The following RAG1 variants were observed in gnomAD, a reference collection of about 807,000 sequenced individuals.
RAG1 encodes recombination activating 1, also known as V(D)J recombination-activating protein 1.
A neutral mutation model predicts 62.7 loss-of-function variants in RAG1; 35 were observed. The ratio of observed to expected loss-of-function variants is 0.56; its 90% CI spans 0.43 to 0.74. The LOEUF (loss-of-function observed/expected upper bound fraction) is 0.74, where lower values mean the gene tolerates loss of function less well. RAG1 is among the 30% of genes least tolerant of loss of function. RAG1 has a pLI of 0.00. For missense variants in RAG1, 1,169 were observed against 1,278.6 expected, an observed-to-expected ratio of 0.91 and a Z score of 1.31; for synonymous variants, 461 against 470.3, an observed-to-expected ratio of 0.98 and a Z score of 0.26.
chr11:36,561,200 T>C (rs1850579684), intron 3 of RAG1, among the ~76,000 whole-genome samples: 2 of 152,202 alleles, frequency 1.3e-5, no homozygotes, highest in South Asian at 4.1e-4. Context: ...AAGGAAAAGA[T>C]GGATTTTCTT....
chr11:36,551,475 A>G (rs894455801), intron 3 of RAG1, among the ~76,000 whole-genome samples: 1 of 151,738 alleles, frequency 6.6e-6, no homozygotes, highest in Non-Finnish European at 1.5e-5. Context: ...GTAGATGGTC[A>G]TATTTTCTCT....
At chr11:36,534,524 G>C (rs1860298654) in intron 2 of RAG1, among the ~76,000 whole-genome samples, 1 of 152,158 alleles carries the variant, frequency 6.6e-6, no homozygotes, top group Non-Finnish European at 1.5e-5. Context: ...TGTACAATTT[G>C]CCATACTGGA....
rs191202539 is a variant in RAG1 at position 36,528,938 on chromosome 11, G to A, written n.429-7021G>A. Among the ~76,000 whole-genome samples, 63 of 152,040 alleles carry A rather than the reference G, an allele frequency of 4.1e-4. No individual in the cohort carries two copies. In the East Asian group the frequency reaches 0.01, roughly 25 times the overall value. ...CAGACACATATACCCTCCCAAGACT[G>A]AACCAGGAGAAGTCGAATCTCTGTA... On this transcript the variant is annotated intron_variant and non_coding_transcript_variant, in intron 2 of 2. Transcript: ENST00000529126.
intron 1 of RAG1, among the ~76,000 whole-genome samples, chr11:36,570,241 T>C (rs930102241): frequency 2.0e-5 from 3 of 152,202 alleles, no homozygotes; most frequent in Non-Finnish European, 2.9e-5. Flanking sequence ...CTAAATTGTC[T>C]AGTAGGTATT....
At position 36,577,750 on chromosome 11, in the gene RAG1, C is replaced by A. The variant is rs1009932415; in HGVS notation, c.*1314C>A. 1 of 167,034 alleles carries A rather than the reference C, an allele frequency of 6.0e-6. No homozygotes were observed. Among genetic ancestry groups the A allele is most frequent in the African/African-American group, 2.4e-5 (1 of 41,442 alleles). The allele number at this position is 167,034 out of a possible 1,614,324, so 10.3% of individuals were successfully genotyped here. A position where few individuals can be genotyped will look rare whatever the true frequency, so the allele number is the denominator to read the frequency against. ...CTTGGCTTGGAAATTTAACACAGTC[C>A]TTTTGTCTCCAAAGCCCTTCTTCTT... On this transcript the variant is annotated 3_prime_UTR_variant, in exon 2 of 2. Coordinates refer to ENST00000299440, the MANE Select transcript of RAG1 (RefSeq NM_000448.3).
chr11:36,551,050 A>T (rs1291450063), intron 3 of RAG1, among the ~76,000 whole-genome samples: 5 of 152,176 alleles, frequency 3.3e-5, no homozygotes. Context: ...CAGATAGGAA[A>T]GTAACTGATA....
intron 1 of RAG1, among the ~76,000 whole-genome samples, chr11:36,516,994 G>A (rs1464329829): frequency 6.6e-6 from 1 of 152,214 alleles, no homozygotes; most frequent in Non-Finnish European, 1.5e-5. Flanking sequence ...AGCCTGGTTT[G>A]TGTATATTGC....
chr11:36,572,099 T>C (rs1850757148), intron 1 of RAG1, among the ~76,000 whole-genome samples: 1 of 152,240 alleles, frequency 6.6e-6, no homozygotes, highest in Non-Finnish European at 1.5e-5. Flanking sequence ...ACTATGTGAC[T>C]ATAAAAATTC....
chr11:36,510,546 T>C (rs1467367317), upstream of RAG1: 1 of 152,324 alleles, frequency 6.6e-6, no homozygotes, highest in Admixed American at 6.5e-5. Context: ...TGGTGAGCAG[T>C]GGCGACAGTA....
chr11:36,560,409 G>C (rs903706161), intron 3 of RAG1, among the ~76,000 whole-genome samples: 1 of 152,160 alleles, frequency 6.6e-6, no homozygotes, highest in Non-Finnish European at 1.5e-5. Flanking sequence ...TTCAGGGTTT[G>C]CAGCTGAACC....
chr11:36,546,943 T>G (rs1029647357), intron 3 of RAG1, among the ~76,000 whole-genome samples: 4 of 152,156 alleles, frequency 2.6e-5, no homozygotes, highest in Non-Finnish European at 4.4e-5. Flanking sequence ...TCTGATGGCC[T>G]TCCCTTTTGT....
rs372677584 is a variant in RAG1 at position 36,573,787 on chromosome 11, C to A, written c.483C>A (p.Ile161=). ...ACCTCATTGCCAAGGTTTTCCGGAT[C>A]GATGTGAAGGCAGATGTTGACTCGA... ...WPDLIAKVFR[I]DVKADVDSIH... is the part of the protein sequence containing the mutation. Residue 161 remains isoleucine (I), a synonymous_variant, in exon 2 of 2, where the codon ATC becomes ATA. Transcript: ENST00000299440. The A allele has an allele frequency of 1.9e-6, 3 of 1,613,952 alleles. No individual in the cohort carries two copies. Among genetic ancestry groups the A allele is most frequent in the African/African-American group, 2.7e-5 (2 of 74,898 alleles).
chr11:36,516,180 TGTAA>T (rs761723526), intron 1 of RAG1, among the ~76,000 whole-genome samples: 2 of 152,242 alleles, frequency 1.3e-5, no homozygotes, highest in Non-Finnish European at 2.9e-5. Context: ...AGCCAGAGGA[TGTAA>T]GTATCTGATC....
At chr11:36,518,110 A>G (rs1411278874) in intron 1 of RAG1, among the ~76,000 whole-genome samples, 1 of 150,540 alleles carries the variant, frequency 6.6e-6, no homozygotes, top group African/African-American at 2.4e-5. Context: ...TGTCCTTGCG[A>G]TAGTTTGCTG....
In RAG1 at chr11:36,573,977, A is replaced by G; in HGVS notation, c.673A>G (p.Ser225Gly). 1.2e-6 allele frequency: 2 copies of G among 1,614,182 alleles called. No individual in the cohort carries two copies. The highest frequency in any genetic ancestry group is 1.7e-6 in the Non-Finnish European group (2 of 1,180,040). ...TGCCCGTCGGGGACTCAAGAGGAAG[A>G]GTCTTCAGCCAAACTTGCAGCTCAG... ...NTARRGLKRKSLQPNLQLSKK... is the reference protein window; with the variant it reads ...NTARRGLKRKGLQPNLQLSKK... Residue 225 changes from serine (S) to glycine (G), a missense_variant, in exon 2 of 2, where the codon AGT becomes GGT. Physicochemically the swap from Ser to Gly is moderately conservative, Grantham distance 56. Around this residue, in one of 2 missense-constraint regions of RAG1, gnomAD observed 369 missense variants for 335.3 expected, o/e 1.10. Transcript: ENST00000299440.
intron 1 of RAG1, among the ~76,000 whole-genome samples, chr11:36,512,535 A>G (rs952364968): frequency 6.6e-6 from 1 of 152,232 alleles, no homozygotes; most frequent in Non-Finnish European, 1.5e-5. Flanking sequence ...TCTGACTCTC[A>G]TTGAAATTGG....
In RAG1 at chr11:36,574,825, G is replaced by T. The variant is rs766180509; in HGVS notation, c.1521G>T (p.Arg507=). The stretch of plus-strand genomic sequence containing the variant: ...TTTTTCAGCCTTTGCATGCCCTTCG[G>T]AATGCTGAGAAGGTACTTCTGCCAG... ...RQIFQPLHAL[R]NAEKVLLPGY... is the part of the protein sequence containing the mutation. The change falls in exon 2 of 2, where the codon CGG becomes CGT. Residue 507 remains arginine, a synonymous_variant. Coordinates refer to ENST00000299440, the MANE Select transcript of RAG1 (RefSeq NM_000448.3). 3.7e-6 allele frequency: 6 copies of T among 1,614,110 alleles called. No individual in the cohort carries two copies. In the South Asian group the frequency reaches 5.5e-5, roughly 15 times the overall value.
rs1015390331 is a variant in RAG1, at chr11:36,576,890, C to A, written c.*454C>A. 1.1e-5 allele frequency: 2 copies of A among 181,522 alleles called. No individual in the cohort carries two copies. The highest frequency in any genetic ancestry group is 2.6e-5 in the Non-Finnish European group (2 of 75,846). The allele number at this position is 181,522 out of a possible 1,614,324, so 11.2% of individuals were successfully genotyped here. A position where few individuals can be genotyped will look rare whatever the true frequency, so the allele number is the denominator to read the frequency against. ...CCTTCTATTTCATTTTTGAATAATT[C>A]TTCATTTTTATAATTTTACATATCT... On this transcript the variant is annotated 3_prime_UTR_variant, in exon 2 of 2. Transcript: ENST00000299440.
At chr11:36,531,636 G>T (rs1189834771) in intron 2 of RAG1, among the ~76,000 whole-genome samples, 1 of 151,836 alleles carries the variant, frequency 6.6e-6, no homozygotes, top group African/African-American at 2.4e-5. Context: ...CATAATTTTG[G>T]TGATGCTTTC....
Sources: gnomAD v4.1 joint callset for allele counts (sites outside exome capture counted in the v4.1 genomes callset) on GRCh38, gnomAD v4.1.1 for gene constraint, gnomAD v4.1.1 regional missense constraint, MANE v1.5 for transcripts, NCBI Gene and HGNC (gene_info 2026-07-23, HGNC 2026-07-21) for gene names.